The following HK2 variants were observed in gnomAD, a reference collection of about 807,000 sequenced individuals.
HK2 encodes hexokinase 2, also known as hexokinase-2.
A neutral mutation model predicts 92.9 loss-of-function variants in HK2; 42 were observed. The ratio of observed to expected loss-of-function variants is 0.45; its 90% CI spans 0.35 to 0.58. HK2 has a LOEUF of 0.58. HK2 is among the 20% of genes least tolerant of loss of function. The pLI is 0.00. For synonymous variants in HK2, 422 were observed against 468.0 expected (o/e 0.90, Z 1.27); for missense variants, 978 against 1,245.1 (o/e 0.79, Z 3.23).
At chr2:74,845,562 TCA>T (rs759000453) in intron 1 of HK2, among the ~76,000 whole-genome samples, 1 of 152,230 alleles carries the variant, frequency 6.6e-6, no homozygotes, top group Non-Finnish European at 1.5e-5. Context: ...GCCCTGTGAC[TCA>T]CAACCGCTGC....
chr2:74,849,049 A>G (rs1317684901), intron 1 of HK2, among the ~76,000 whole-genome samples: 1 of 152,120 alleles, frequency 6.6e-6, no homozygotes, highest in African/African-American at 2.4e-5. Context: ...CACACTGCAT[A>G]CTTCGAAGTG....
chr2:74,881,894 G>C (rs762995243), intron 11 of HK2, 35 bp downstream of exon 11: 7 of 1,610,440 alleles, frequency 4.3e-6, no homozygotes, highest in Non-Finnish European at 4.2e-6. Context: ...GGGGGCCCCT[G>C]GTGGACGTCA....
chr2:74,852,618 A>G (rs1233590093), intron 1 of HK2, among the ~76,000 whole-genome samples: 5 of 152,184 alleles, frequency 3.3e-5, no homozygotes, highest in Non-Finnish European at 7.4e-5. Context: ...AGGTTGTGGT[A>G]GATTCCAGGA....
intron 2 of HK2, among the ~76,000 whole-genome samples, chr2:74,866,156 T>C (rs1188006097): frequency 6.6e-6 from 1 of 152,036 alleles, no homozygotes; most frequent in Non-Finnish European, 1.5e-5. Context: ...CTGTGGGTGG[T>C]GTTCTCAGGG....
At position 74,867,641 on chromosome 2, in the gene HK2, G is replaced by A. The variant is rs749170805; in HGVS notation, c.232G>A (p.Gly78Arg). ...GGCCCTTCCTTTCTCTGCAGAACAC[G>A]GAGAGTTCCTGGCTCTGGATCTTGG... ...VRSTPDGTEH[G>R]EFLALDLGGT... The change falls in exon 3 of 18, where the codon GGA becomes AGA. Residue 78 changes from glycine to arginine, a missense_variant. Gly to Arg is a moderately radical substitution (Grantham distance 125, BLOSUM62 -2). Coordinates refer to ENST00000290573, the MANE Select transcript of HK2 (RefSeq NM_000189.5). 9 of 1,613,104 alleles carry A rather than the reference G, an allele frequency of 5.6e-6. No homozygotes were observed. The Admixed American group carries it at 6.7e-5, about 12-fold the overall frequency.
At chr2:74,844,694 G>T (rs960865618) in intron 1 of HK2, among the ~76,000 whole-genome samples, 7 of 152,210 alleles carry the variant, frequency 4.6e-5, no homozygotes, top group Non-Finnish European at 8.8e-5. Context: ...GGCTGTCGAG[G>T]GGTAGGCAGA....
chr2:74,869,548 G>A (rs965738304), intron 3 of HK2, among the ~76,000 whole-genome samples: 4 of 152,144 alleles, frequency 2.6e-5, no homozygotes, highest in African/African-American at 4.8e-5. Flanking sequence ...TCTGTCTTCC[G>A]GCACATTAAC....
rs1029808731 is a variant in HK2 at position 74,892,630 on chromosome 2, A to G, written c.*1689A>G. 1.3e-5 allele frequency: 2 copies of G among 152,262 alleles called. No homozygotes were observed. The highest frequency in any genetic ancestry group is 2.4e-5 in the African/African-American group (1 of 41,466). 9.4% of individuals were successfully genotyped at this position (152,262 alleles called of 1,614,324 possible). A position where few individuals can be genotyped will look rare whatever the true frequency, so the allele number is the denominator to read the frequency against. ...GATACTATATGATAAAGAGGGATGT[A>G]ACTATTGAATTGGATACAAGGATCA... On this transcript the variant is annotated 3_prime_UTR_variant, in exon 18 of 18. Transcript: ENST00000290573.
At chr2:74,882,709 GA>G (rs1689434290) in intron 12 of HK2, among the ~76,000 whole-genome samples, 1 of 149,170 alleles carries the variant, frequency 6.7e-6, no homozygotes, top group African/African-American at 2.5e-5. Flanking sequence ...AACCATATAA[GA>G]GATATGTTTG....
chr2:74,846,870 C>T (rs1688454435), intron 1 of HK2, among the ~76,000 whole-genome samples: 1 of 152,160 alleles, frequency 6.6e-6, no homozygotes, highest in African/African-American at 2.4e-5. Flanking sequence ...ATAATAAGGC[C>T]CCTGACTTCC....
In HK2 at chr2:74,891,121, A is replaced by G. The variant is rs1285696734; in HGVS notation, c.*180A>G. On this transcript the variant is annotated 3_prime_UTR_variant, in exon 18 of 18. Coordinates refer to ENST00000290573, the MANE Select transcript of HK2 (RefSeq NM_000189.5). ...GAGCTTGGTGGCTGAGCTTGGCCCT[A>G]TTAAGATAAATAGAGTTCCAAATAA... 1.5e-6 allele frequency: 1 copy of G among 653,388 alleles called. No homozygotes were observed. The allele number at this position is 653,388 out of a possible 1,614,324, so 40.5% of individuals were successfully genotyped here.
At chr2:74,878,538 T>G in intron 8 of HK2, 150 bp from the exon 9 acceptor site, 1 of 720,970 alleles carries the variant, frequency 1.4e-6, no homozygotes, top group Non-Finnish European at 2.5e-6. Context: ...CTCCTGCCCC[T>G]GCACAGGTGG....
intron 8 of HK2, 58 bp downstream of exon 8, chr2:74,877,379 T>A (rs1333315026): frequency 6.3e-7 from 1 of 1,595,358 alleles, no homozygotes; most frequent in Non-Finnish European, 8.6e-7. Context: ...TGACGGGTAG[T>A]TGGGGAATGA....
intron 1 of HK2, among the ~76,000 whole-genome samples, chr2:74,848,983 G>A (rs1688505711): frequency 6.6e-6 from 1 of 152,220 alleles, no homozygotes; most frequent in Middle Eastern, 3.2e-3. Context: ...TCACCTCCAG[G>A]CCTTTCCTTC....
chr2:74,877,620 G>A lies in HK2; in HGVS notation c.1031+299G>A, dbSNP rs113994803. On this transcript the variant is annotated intron_variant, in intron 8 of 17. Coordinates refer to ENST00000290573, the MANE Select transcript of HK2 (RefSeq NM_000189.5). ...AGCTGGAGGACCCCAGAGGGCCCCC[G>A]AAAGACTTAGCTGCATCTGCCTCCT... 6.1e-3 allele frequency among the ~76,000 whole-genome samples: 927 copies of A among 152,264 alleles called. 10 individuals carry two copies. Among genetic ancestry groups the A allele is most frequent in the African/African-American group, 0.02 (847 of 41,546 alleles).
intron 15 of HK2, among the ~76,000 whole-genome samples, chr2:74,887,225 A>G (rs1477361280): frequency 6.6e-6 from 1 of 152,234 alleles, no homozygotes; most frequent in Admixed American, 6.5e-5. Flanking sequence ...GCTTTGCAAA[A>G]CATGTGTCTA....
rs758024091 is a variant in HK2 at position 74,874,345 on chromosome 2, C to A, written c.771C>A (p.Ile257=). ...MVEGDEGRMC[I]NMEWGAFGDD... is the part of the protein sequence containing the mutation. ...AAGGCGATGAGGGGCGGATGTGTAT[C>A]AATATGGAGTGGGGGGCCTTCGGGG... Residue 257 remains isoleucine, a synonymous_variant, in exon 7 of 18, where the codon ATC becomes ATA. Coordinates refer to ENST00000290573, the MANE Select transcript of HK2 (RefSeq NM_000189.5). The A allele has an allele frequency of 4.3e-6, 7 of 1,613,988 alleles. No homozygotes were observed. The Admixed American group carries it at 1.2e-4, about 27-fold the overall frequency.
rs757220185 is a variant in HK2 at position 74,886,346 on chromosome 2, T to C, written c.1988T>C (p.Met663Thr). The change falls in exon 14 of 18, where the codon ATG becomes ACG. Residue 663 changes from methionine to threonine, a missense_variant. By Grantham distance (81) the Met-to-Thr change is moderately conservative. Around this residue, in one of 3 missense-constraint regions of HK2, gnomAD observed 742 missense variants for 922.5 expected, o/e 0.80. Coordinates refer to ENST00000290573, the MANE Select transcript of HK2 (RefSeq NM_000189.5). ...AVVNDTVGTM[M>T]TCGFEDPHCE... is the part of the protein sequence containing the mutation. ...GTGAACGACACAGTCGGAACTATGA[T>C]GACCTGTGGCTTTGAAGACCCTCAC... is the stretch of plus-strand genomic sequence containing the variant. 2 of 1,614,186 alleles carry C rather than the reference T, an allele frequency of 1.2e-6. No individual in the cohort carries two copies. Among genetic ancestry groups the C allele is most frequent in the East Asian group, 2.2e-5 (1 of 44,880 alleles).
At chr2:74,845,569 C>G (rs1056910103) in intron 1 of HK2, among the ~76,000 whole-genome samples, 1 of 152,230 alleles carries the variant, frequency 6.6e-6, no homozygotes, top group Non-Finnish European at 1.5e-5. Flanking sequence ...GACTCACAAC[C>G]GCTGCAACAG....
Sources: allele counts gnomAD v4.1 joint callset (sites outside exome capture counted in the v4.1 genomes callset), GRCh38; gene constraint gnomAD v4.1.1; regional missense constraint gnomAD v4.1.1; transcripts MANE v1.5; gene names NCBI Gene and HGNC (gene_info 2026-07-23, HGNC 2026-07-21).